MOXD1: variants seen among roughly 807,000 people sequenced by gnomAD.
MOXD1 encodes the protein monooxygenase DBH like 1.
In MOXD1, 62 loss-of-function variants were observed where a neutral mutation model predicts 66.6. That is an observed-to-expected ratio of 0.93 (90% CI 0.76 to 1.15). The LOEUF (loss-of-function observed/expected upper bound fraction) is 1.15, where lower values mean the gene tolerates loss of function less well. Ranked by LOEUF, MOXD1 falls within the 50% of genes most tolerant of loss-of-function variation. The probability of loss-of-function intolerance (pLI) is 0.00; values close to 1 mark genes in which losing one functional copy is unlikely to be tolerated. For synonymous variants in MOXD1, 303 were observed against 281.9 expected (o/e 1.07, Z -0.75); for missense variants, 847 against 754.6 (o/e 1.12, Z -1.44).
At chr6:132,372,248 T>C (rs1043867177) in intron 4 of MOXD1, among the ~76,000 whole-genome samples, 1 of 152,198 alleles carries the variant, frequency 6.6e-6, no homozygotes, top group African/African-American at 2.4e-5. Flanking sequence ...ACACTATTGG[T>C]GAGGAATGTA....
chr6:132,390,344 C>T (rs962239650), intron 1 of MOXD1: 1 of 151,542 alleles, frequency 6.6e-6, no homozygotes, highest in African/African-American at 2.4e-5. Flanking sequence ...AGACAACCTT[C>T]AAAACTTGGG....
At chr6:132,320,250 G>C (rs1775049216) in intron 9 of MOXD1, among the ~76,000 whole-genome samples, 1 of 152,110 alleles carries the variant, frequency 6.6e-6, no homozygotes, top group Non-Finnish European at 1.5e-5. Context: ...CTTTGAGTCA[G>C]AGGCCTCAAG....
At chr6:132,376,750 T>A (rs1776387853) in intron 1 of MOXD1, among the ~76,000 whole-genome samples, 1 of 60,950 alleles carries the variant, frequency 1.6e-5, no homozygotes, top group Non-Finnish European at 2.4e-5. Context: ...CCTGACCTCG[T>A]GATCCGCCCG....
intron 4 of MOXD1, among the ~76,000 whole-genome samples, chr6:132,362,236 T>A (rs1776030866): frequency 6.6e-6 from 1 of 152,144 alleles, no homozygotes; most frequent in Admixed American, 6.5e-5. Flanking sequence ...TTTATTATAA[T>A]TTTATTCGTA....
intron 10 of MOXD1, among the ~76,000 whole-genome samples, chr6:132,309,822 C>A (rs1297899890): frequency 2.0e-5 from 3 of 152,158 alleles, no homozygotes; most frequent in Non-Finnish European, 4.4e-5. Flanking sequence ...AAAACTGAAC[C>A]CCTTCCTTAC....
intron 4 of MOXD1, among the ~76,000 whole-genome samples, chr6:132,333,335 C>CA (rs35163669): frequency 0.11 from 7,730 of 72,160 alleles, 1,035 homozygotes; most frequent in East Asian, 0.47. Context: ...GACTCCGTCT[C>CA]AAAAAAAAAA....
At chr6:132,334,205 A>G (rs1775389885) in intron 4 of MOXD1, among the ~76,000 whole-genome samples, 1 of 152,222 alleles carries the variant, frequency 6.6e-6, no homozygotes. Flanking sequence ...CATGAAGCCA[A>G]CATCAATGAG....
Position 132,328,099 on chromosome 6 carries a change from G to A in MOXD1, c.860C>T (p.Pro287Leu), listed in dbSNP as rs560879034. 2.5e-6 allele frequency: 4 copies of A among 1,613,560 alleles called. No individual in the cohort carries two copies. The highest frequency in any genetic ancestry group is 4.5e-5 in the East Asian group (2 of 44,864). ...AIGGEGFSYP[P>L]HVGLSLGTPL... is the part of the protein sequence containing the mutation. ...AGTGCCAAGGGATAATCCAACATGA[G>A]GTGGATAAGAAAAGCCCTAAATATG... Residue 287 changes from proline (P) to leucine (L), a missense_variant, in exon 6 of 12, where the codon CCT becomes CTT. Transcript: ENST00000367963.
intron 10 of MOXD1, among the ~76,000 whole-genome samples, chr6:132,298,590 G>A (rs1774461766): frequency 1.3e-5 from 2 of 151,920 alleles, no homozygotes; most frequent in African/African-American, 4.8e-5. Flanking sequence ...CAAAAAATGT[G>A]ATTTGATCAA....
intron 1 of MOXD1, among the ~76,000 whole-genome samples, chr6:132,381,813 G>C (rs1455396483): frequency 6.6e-6 from 1 of 152,110 alleles, no homozygotes; most frequent in African/African-American, 2.4e-5. Flanking sequence ...CTTAGAAGTT[G>C]ACATTCACAA....
intron 4 of MOXD1, among the ~76,000 whole-genome samples, chr6:132,355,152 A>C (rs1458884462): frequency 6.6e-6 from 1 of 151,974 alleles, no homozygotes; most frequent in Non-Finnish European, 1.5e-5. Flanking sequence ...GCCCTTCCCC[A>C]GGTTCTGGCC....
At chr6:132,323,835 G>T in intron 7 of MOXD1, 96 bp downstream of exon 7, 1 of 1,307,570 alleles carries the variant, frequency 7.6e-7, no homozygotes, top group South Asian at 1.7e-5. Flanking sequence ...AACAAGAAAG[G>T]AATCGATAAT....
intron 7 of MOXD1, 112 bp downstream of exon 7, chr6:132,323,819 T>C: frequency 1.7e-6 from 2 of 1,192,530 alleles, no homozygotes; most frequent in South Asian, 1.9e-5. Context: ...GGTTTCACAG[T>C]GTGTCAACAA....
At chr6:132,338,026 T>A (rs1775475371) in intron 4 of MOXD1, among the ~76,000 whole-genome samples, 1 of 152,154 alleles carries the variant, frequency 6.6e-6, no homozygotes, top group African/African-American at 2.4e-5. Flanking sequence ...TAGCTCTGCT[T>A]CCAATCCAGC....
At chr6:132,298,316 C>T (rs1290227677) in intron 10 of MOXD1, among the ~76,000 whole-genome samples, 2 of 152,084 alleles carry the variant, frequency 1.3e-5, no homozygotes, top group Admixed American at 6.6e-5. Context: ...CCACCATGCC[C>T]GGTCAAAATT....
chr6:132,397,640 A>C (rs9373018), intron 1 of MOXD1, among the ~76,000 whole-genome samples: 275 of 29,774 alleles, frequency 9.2e-3, no homozygotes, highest in African/African-American at 0.032. Flanking sequence ...GAGAGACAGA[A>C]AGAAAGAAAG....
intron 4 of MOXD1, among the ~76,000 whole-genome samples, chr6:132,335,279 ATT>A (rs60132905): frequency 4.8e-5 from 7 of 145,964 alleles, no homozygotes; most frequent in East Asian, 2.0e-4. Flanking sequence ...AAAGAAACAT[ATT>A]TTTTTTTTTT....
At chr6:132,317,677 T>C (rs1774988657) in intron 9 of MOXD1, among the ~76,000 whole-genome samples, 1 of 152,066 alleles carries the variant, frequency 6.6e-6, no homozygotes, top group Admixed American at 6.6e-5. Context: ...TAATAATAAC[T>C]CATTTATTAT....
chr6:132,388,143 C>T (rs999306263), intron 1 of MOXD1, among the ~76,000 whole-genome samples: 2 of 151,484 alleles, frequency 1.3e-5, no homozygotes, highest in African/African-American at 4.8e-5. Flanking sequence ...ATGTGGTCTT[C>T]TGACCATCGT....
Sources: allele counts gnomAD v4.1 joint callset (sites outside exome capture counted in the v4.1 genomes callset), GRCh38; gene constraint gnomAD v4.1.1; transcripts MANE v1.5; gene names NCBI Gene and HGNC (gene_info 2026-07-23, HGNC 2026-07-21).